KHDRBS2: variants seen among roughly 807,000 people sequenced by gnomAD.
KHDRBS2 encodes the protein KH RNA binding domain containing, signal transduction associated 2.
Under a neutral mutation model 44.3 loss-of-function variants are expected in KHDRBS2, and 26 were observed. The observed-to-expected ratio is 0.59, with a 90% CI of 0.43 to 0.81. The LOEUF (loss-of-function observed/expected upper bound fraction) is 0.81, where lower values mean the gene tolerates loss of function less well. KHDRBS2 is among the 40% of genes least tolerant of loss of function. The probability of loss-of-function intolerance (pLI) is 0.00; values close to 1 mark genes in which losing one functional copy is unlikely to be tolerated. For missense variants in KHDRBS2, 476 were observed against 433.1 expected, an observed-to-expected ratio of 1.10 and a Z score of -0.88; for synonymous variants, 194 against 151.1, an observed-to-expected ratio of 1.28 and a Z score of -2.08.
chr6:61,936,520 T>A (rs1240996250), intron 4 of KHDRBS2, among the ~76,000 whole-genome samples: 4 of 152,002 alleles, frequency 2.6e-5, no homozygotes, highest in Non-Finnish European at 4.4e-5. Flanking sequence ...AAGTTAGATT[T>A]TTTTTTATAT....
intron 6 of KHDRBS2, among the ~76,000 whole-genome samples, chr6:61,880,928 C>T (rs184302035): frequency 6.6e-6 from 1 of 151,960 alleles, no homozygotes; most frequent in African/African-American, 2.4e-5. Context: ...GTTTATGCTG[C>T]TGACAAACAT....
intron 6 of KHDRBS2, among the ~76,000 whole-genome samples, chr6:61,884,926 C>A (rs556863669): frequency 6.6e-6 from 1 of 152,048 alleles, no homozygotes; most frequent in South Asian, 2.1e-4. Context: ...GTTTGTGGGG[C>A]CTCAAAATTA....
chr6:61,669,059 C>T, the KHDRBS2 span, among the ~76,000 whole-genome samples: 1 of 150,820 alleles, frequency 6.6e-6, no homozygotes, highest in African/African-American at 2.4e-5. Context: ...AAATTCTATA[C>T]TTAGATACAC....
At chr6:61,986,830 G>A (rs879090610) in intron 3 of KHDRBS2, among the ~76,000 whole-genome samples, 2 of 152,032 alleles carry the variant, frequency 1.3e-5, no homozygotes, top group African/African-American at 4.8e-5. Flanking sequence ...CCCACCATGG[G>A]GGACTCCACC....
chr6:61,604,891 C>G, the KHDRBS2 span, among the ~76,000 whole-genome samples: 1 of 152,156 alleles, frequency 6.6e-6, no homozygotes, highest in East Asian at 1.9e-4. Context: ...CTGGCCTGGC[C>G]TTCCCACCTC....
chr6:61,678,941 T>C (rs1490820847), downstream of KHDRBS2: 3 of 151,922 alleles, frequency 2.0e-5, no homozygotes, highest in East Asian at 5.8e-4. Context: ...TCTTTGTTTG[T>C]GGGTACCTGA....
intron 3 of KHDRBS2, among the ~76,000 whole-genome samples, chr6:61,993,673 A>ATATATTT (rs1425839225): frequency 1.9e-4 from 22 of 115,684 alleles, no homozygotes; most frequent in African/African-American, 7.1e-4. Context: ...ATATATATAT[A>ATATATTT]TTTTTTTTTT....
At chr6:62,052,666 T>G (rs184016511) in intron 2 of KHDRBS2, among the ~76,000 whole-genome samples, 3 of 151,846 alleles carry the variant, frequency 2.0e-5, no homozygotes, top group Admixed American at 2.0e-4. Context: ...GAAATAAAAC[T>G]GTCCACCTCA....
the KHDRBS2 span, among the ~76,000 whole-genome samples, chr6:61,610,893 TTAA>T: frequency 9.8e-5 from 15 of 152,308 alleles, no homozygotes; most frequent in African/African-American, 3.1e-4. Flanking sequence ...CTCTTATAAC[TTAA>T]TAATACCTAT....
At chr6:62,211,916 T>C (rs773267562) in intron 1 of KHDRBS2, among the ~76,000 whole-genome samples, 3 of 152,168 alleles carry the variant, frequency 2.0e-5, no homozygotes, top group Non-Finnish European at 2.9e-5. Flanking sequence ...TAAATGTCCA[T>C]CAGTGGTAGA....
chr6:61,718,948 T>C (rs1771898286), intron 7 of KHDRBS2, among the ~76,000 whole-genome samples: 2 of 152,182 alleles, frequency 1.3e-5, no homozygotes, highest in Non-Finnish European at 2.9e-5. Context: ...AAAAAGGTTT[T>C]CATTCTAGAA....
intron 6 of KHDRBS2, among the ~76,000 whole-genome samples, chr6:61,872,654 C>A (rs1480962658): frequency 6.6e-6 from 1 of 151,924 alleles, no homozygotes; most frequent in South Asian, 2.1e-4. Flanking sequence ...ACAAATAACT[C>A]GATATCATAA....
intron 3 of KHDRBS2, among the ~76,000 whole-genome samples, chr6:62,046,991 G>A (rs1411191786): frequency 6.6e-6 from 1 of 151,884 alleles, no homozygotes; most frequent in East Asian, 1.9e-4. Flanking sequence ...CACCAGTTCA[G>A]TGACATTTCA....
intron 2 of KHDRBS2, among the ~76,000 whole-genome samples, chr6:62,081,582 T>G (rs1475595195): frequency 6.6e-6 from 1 of 152,154 alleles, no homozygotes; most frequent in African/African-American, 2.4e-5. Flanking sequence ...AATCAAGTTC[T>G]CTGTTAAAGC....
chr6:62,167,928 C>T (rs1819050169), intron 2 of KHDRBS2, among the ~76,000 whole-genome samples: 1 of 152,104 alleles, frequency 6.6e-6, no homozygotes, highest in Non-Finnish European at 1.5e-5. Flanking sequence ...AAAAATCACA[C>T]TCATCAAGTA....
At chr6:62,177,860 C>T (rs1182308889) in intron 1 of KHDRBS2, among the ~76,000 whole-genome samples, 1 of 151,250 alleles carries the variant, frequency 6.6e-6, no homozygotes, top group East Asian at 1.9e-4. Flanking sequence ...TAAATGCTAA[C>T]ATTCATATTC....
chr6:61,729,648 A>C (rs1187354372), intron 7 of KHDRBS2, among the ~76,000 whole-genome samples: 3 of 152,154 alleles, frequency 2.0e-5, no homozygotes, highest in Non-Finnish European at 4.4e-5. Flanking sequence ...CAATCTGTGT[A>C]CTAGTATCTA....
intron 6 of KHDRBS2, among the ~76,000 whole-genome samples, chr6:61,832,587 G>GAA (rs111647431): frequency 6.9e-6 from 1 of 145,874 alleles, no homozygotes; most frequent in African/African-American, 2.5e-5. Context: ...AGGGACATGA[G>GAA]AAAAAAAAAA....
chr6:61,846,551 T>G (rs1794436277), intron 6 of KHDRBS2, among the ~76,000 whole-genome samples: 1 of 152,170 alleles, frequency 6.6e-6, no homozygotes, highest in Admixed American at 6.5e-5. Context: ...TGAAAATATT[T>G]CCATTGAGAA....
Sources: allele counts gnomAD v4.1 joint callset (sites outside exome capture counted in the v4.1 genomes callset), GRCh38; gene constraint gnomAD v4.1.1; transcripts MANE v1.5; gene names NCBI Gene and HGNC (gene_info 2026-07-23, HGNC 2026-07-21).